CMSS1: variants seen among roughly 807,000 people sequenced by gnomAD.
The protein encoded by CMSS1 is cms1 ribosomal small subunit homolog.
In CMSS1, 33 loss-of-function variants were observed where a neutral mutation model predicts 43.5. The ratio of observed to expected loss-of-function variants is 0.76; its 90% CI spans 0.57 to 1.01. The LOEUF (loss-of-function observed/expected upper bound fraction) is 1.01. Ranked by LOEUF, CMSS1 falls within the 50% of genes least tolerant of loss-of-function variation. The probability of loss-of-function intolerance (pLI) is 0.00; values close to 1 mark genes in which losing one functional copy is unlikely to be tolerated. For missense variants in CMSS1, 313 were observed against 326.4 expected, an observed-to-expected ratio of 0.96 and a Z score of 0.32; for synonymous variants, 115 against 117.2, an observed-to-expected ratio of 0.98 and a Z score of 0.12.
intron 2 of CMSS1, among the ~76,000 whole-genome samples, chr3:100,148,552 T>A (rs1429976323): frequency 6.6e-6 from 1 of 152,140 alleles, no homozygotes; most frequent in Non-Finnish European, 1.5e-5. Context: ...AGCAATTTAG[T>A]GTAGTGTTGC....
chr3:100,064,733 C>T (rs997499155), intron 1 of CMSS1, among the ~76,000 whole-genome samples: 2 of 152,194 alleles, frequency 1.3e-5, no homozygotes, highest in African/African-American at 4.8e-5. Context: ...AAATCATACT[C>T]ATCTGTAAGA....
intron 2 of CMSS1, among the ~76,000 whole-genome samples, chr3:100,150,919 TTTCAG>T (rs1464201314): frequency 6.6e-6 from 1 of 152,214 alleles, no homozygotes; most frequent in African/African-American, 2.4e-5. Flanking sequence ...GTCAGTAACA[TTTCAG>T]TGGTTCCATG....
chr3:99,957,693 C>CTTTTTTTTTTTTT (rs779350496), intron 1 of CMSS1, among the ~76,000 whole-genome samples: 438 of 19,828 alleles, frequency 0.022, 90 homozygotes, highest in Non-Finnish European at 0.031. Flanking sequence ...TTCTTTCTTT[C>CTTTTTTTTTTTTT]TTTTTTTTTT....
intron 8 of CMSS1, among the ~76,000 whole-genome samples, chr3:100,174,983 T>C (rs1214962268): frequency 6.6e-6 from 1 of 152,242 alleles, no homozygotes; most frequent in Admixed American, 6.5e-5. Context: ...AGAGATTGAT[T>C]ATACTGCATC....
intron 1 of CMSS1, among the ~76,000 whole-genome samples, chr3:99,829,834 A>G (rs1261189895): frequency 3.3e-5 from 5 of 152,204 alleles, no homozygotes; most frequent in African/African-American, 9.6e-5. Context: ...ATTCTGCACA[A>G]AGGATATATT....
Position 100,153,838 on chromosome 3 carries a change from C to CT in CMSS1, c.154-6583dup, listed in dbSNP as rs377391619. On this transcript the variant is annotated intron_variant, in intron 2 of 9. Transcript: ENST00000421999. ...TATTGATGGACACCTGAGGCTATTT[C>CT]TTTTTTTTTCTTTTTTTTTTCTTTT... Among the ~76,000 whole-genome samples the CT allele has an allele frequency of 4.8e-3, 727 of 150,284 alleles. 5 individuals are homozygous for CT. The highest frequency in any genetic ancestry group is 7.8e-3 in the Non-Finnish European group (526 of 67,400).
chr3:100,077,770 C>A (rs2065872580), intron 1 of CMSS1, among the ~76,000 whole-genome samples: 1 of 152,048 alleles, frequency 6.6e-6, no homozygotes, highest in Admixed American at 6.6e-5. Context: ...ATTAGCCAAG[C>A]ATGGCTGTGC....
intron 1 of CMSS1, among the ~76,000 whole-genome samples, chr3:99,884,438 A>G (rs1424462616): frequency 6.6e-6 from 1 of 152,182 alleles, no homozygotes; most frequent in Non-Finnish European, 1.5e-5. Flanking sequence ...TTTAAGTTTC[A>G]TAGCTCAAAT....
chr3:99,912,281 T>C (rs888467626), intron 1 of CMSS1, among the ~76,000 whole-genome samples: 2 of 152,218 alleles, frequency 1.3e-5, no homozygotes, highest in African/African-American at 4.8e-5. Flanking sequence ...TTATGTGAAA[T>C]GCCCAGAATA....
chr3:100,099,206 G>T (rs760671625), intron 1 of CMSS1, among the ~76,000 whole-genome samples: 2 of 152,154 alleles, frequency 1.3e-5, no homozygotes, highest in Admixed American at 6.5e-5. Flanking sequence ...TTGACTTAAT[G>T]TAGGTAATAG....
rs970614128 is a variant in CMSS1 at position 99,957,221 on chromosome 3, C to T, written c.64+139178C>T. Among the ~76,000 whole-genome samples, 4 of 151,990 alleles carry T rather than the reference C, an allele frequency of 2.6e-5. No homozygotes were observed. The South Asian group carries it at 8.3e-4, about 32-fold the overall frequency. On this transcript the variant is annotated intron_variant, in intron 1 of 9. Coordinates refer to ENST00000421999, the MANE Select transcript of CMSS1 (RefSeq NM_032359.4). The stretch of plus-strand genomic sequence containing the variant: ...TGATTTGGCAGTGAAAGGGCCAAGC[C>T]GGTGATAAAGCATGGAAAGTAGTAA...
chr3:99,884,964 G>A (rs1033999397), intron 1 of CMSS1, among the ~76,000 whole-genome samples: 2 of 152,092 alleles, frequency 1.3e-5, no homozygotes, highest in African/African-American at 2.4e-5. Flanking sequence ...TTTCTTCTTT[G>A]GGGTGGTATT....
At chr3:99,969,299 G>A (rs992507162) in intron 1 of CMSS1, among the ~76,000 whole-genome samples, 1 of 152,196 alleles carries the variant, frequency 6.6e-6, no homozygotes, top group Non-Finnish European at 1.5e-5. Context: ...ATGTAGCCTT[G>A]TTTGGGCTCT....
chr3:99,958,418 A>G (rs927750715), intron 1 of CMSS1, among the ~76,000 whole-genome samples: 2 of 152,070 alleles, frequency 1.3e-5, no homozygotes, highest in African/African-American at 4.8e-5. Context: ...TACAGTGGGC[A>G]GTGTGTGACT....
chr3:100,077,960 G>C (rs1294184374), intron 1 of CMSS1, among the ~76,000 whole-genome samples: 2 of 152,006 alleles, frequency 1.3e-5, no homozygotes, highest in African/African-American at 4.8e-5. Context: ...AGGACACCCA[G>C]TTTCACTTAC....
intron 1 of CMSS1, among the ~76,000 whole-genome samples, chr3:99,995,976 G>T (rs1460420913): frequency 2.0e-5 from 3 of 152,216 alleles, no homozygotes; most frequent in African/African-American, 7.2e-5. Flanking sequence ...TTTCCCCATT[G>T]TCTTGGTGAT....
intron 1 of CMSS1, among the ~76,000 whole-genome samples, chr3:99,987,941 G>A (rs1203219896): frequency 6.6e-6 from 1 of 152,174 alleles, no homozygotes; most frequent in African/African-American, 2.4e-5. Flanking sequence ...GAAAGATGTT[G>A]AGGATACTGT....
intron 2 of CMSS1, among the ~76,000 whole-genome samples, chr3:100,151,207 C>G (rs1403306762): frequency 6.6e-6 from 1 of 152,160 alleles, no homozygotes; most frequent in Non-Finnish European, 1.5e-5. Flanking sequence ...TCACCTTTTT[C>G]CTTTTCATTA....
At chr3:100,023,270 A>G (rs1487453371) in intron 1 of CMSS1, 1 of 152,530 alleles carries the variant, frequency 6.6e-6, no homozygotes, top group Non-Finnish European at 1.5e-5. Flanking sequence ...TTGTTTTTCC[A>G]TAGTGCTTGT....
Sources: allele counts gnomAD v4.1 joint callset (sites outside exome capture counted in the v4.1 genomes callset), GRCh38; gene constraint gnomAD v4.1.1; transcripts MANE v1.5; gene names NCBI Gene and HGNC (gene_info 2026-07-23, HGNC 2026-07-21).